GNS: variants seen among roughly 807,000 people sequenced by gnomAD.
GNS encodes the protein N-acetylglucosamine-6-sulfatase.
A neutral mutation model predicts 69.7 loss-of-function variants in GNS; 40 were observed. The ratio of observed to expected loss-of-function variants is 0.57; its 90% CI spans 0.45 to 0.75. The LOEUF (loss-of-function observed/expected upper bound fraction) is 0.75. GNS is among the 30% of genes least tolerant of loss of function. The pLI is 0.00. For missense variants in GNS, 565 were observed against 685.5 expected, an observed-to-expected ratio of 0.82 and a Z score of 1.96; for synonymous variants, 243 against 251.6, an observed-to-expected ratio of 0.97 and a Z score of 0.32.
chr12:64,730,333 C>T (rs1869343875), intron 9 of GNS, among the ~76,000 whole-genome samples: 1 of 146,316 alleles, frequency 6.8e-6, no homozygotes, highest in Non-Finnish European at 1.5e-5. Flanking sequence ...ACATTTAGAT[C>T]ATCTTAGGAG....
At chr12:64,735,487 C>T (rs555057455) in intron 9 of GNS, among the ~76,000 whole-genome samples, 1 of 152,326 alleles carries the variant, frequency 6.6e-6, no homozygotes, top group South Asian at 2.1e-4. Flanking sequence ...AATGGCTTCT[C>T]AGGAACCAGA....
At position 64,721,255 on chromosome 12, in the gene GNS, C is replaced by T. The variant is rs573371020; in HGVS notation, c.1419+340G>A. 7.9e-5 allele frequency among the ~76,000 whole-genome samples: 12 copies of T among 152,292 alleles called. No individual in the cohort carries two copies. In the South Asian group the frequency reaches 8.3e-4, roughly 11 times the overall value. Reference sequence around the variant, plus strand: ...ATGCTGTGGTGGGAACAGGAGTTTCCGAATACACCAGGTGCTGGTAAGCTT... The same window carrying T: ...ATGCTGTGGTGGGAACAGGAGTTTCTGAATACACCAGGTGCTGGTAAGCTT... On this transcript the variant is annotated intron_variant, in intron 12 of 13. Transcript: ENST00000258145.
At chr12:64,722,901 G>A (rs937899068) in intron 11 of GNS, 105 bp downstream of exon 11, 1 of 766,602 alleles carries the variant, frequency 1.3e-6, no homozygotes, top group South Asian at 1.4e-5. Context: ...AGTGACAAAG[G>A]AACAGGACTC....
intron 9 of GNS, among the ~76,000 whole-genome samples, chr12:64,731,502 G>C (rs1376683354): frequency 2.6e-5 from 4 of 152,162 alleles, no homozygotes; most frequent in African/African-American, 9.7e-5. Context: ...CTTCTCCCTA[G>C]AAATCTATAA....
Position 64,713,721 on chromosome 12 carries a change from AG to A in GNS, c.*3019del, listed in dbSNP as rs1316657336. ...TCCTGGGACAACTTTCCTTTAAAAA[AG>A]CACTAAACCTTAGTTTAGACACTTA... On this transcript the variant is annotated 3_prime_UTR_variant, in exon 14 of 14. Transcript: ENST00000258145. 5 of 152,302 alleles carry A rather than the reference AG, an allele frequency of 3.3e-5. No individual in the cohort carries two copies. Among genetic ancestry groups the A allele is most frequent in the African/African-American group, 1.2e-4 (5 of 41,470 alleles). 9.4% of individuals were successfully genotyped at this position (152,302 alleles called of 1,614,324 possible).
chr12:64,741,645 T>C (rs1436964218), intron 6 of GNS, among the ~76,000 whole-genome samples: 2 of 152,022 alleles, frequency 1.3e-5, no homozygotes, highest in African/African-American at 2.4e-5. Context: ...TAAGGAAAAA[T>C]CTTATTACAG....
At chr12:64,727,592 G>A (rs1483747803) in intron 10 of GNS, among the ~76,000 whole-genome samples, 1 of 152,164 alleles carries the variant, frequency 6.6e-6, no homozygotes, top group African/African-American at 2.4e-5. Context: ...ACGTTACAAT[G>A]ATATGATCCT....
chr12:64,744,680 T>A, intron 5 of GNS, 129 bp downstream of exon 5: 1 of 696,748 alleles, frequency 1.4e-6, no homozygotes. Flanking sequence ...CTTGGGCAGT[T>A]AGACCAAGTT....
intron 7 of GNS, among the ~76,000 whole-genome samples, chr12:64,739,919 A>G (rs1869679085): frequency 6.6e-6 from 1 of 152,266 alleles, no homozygotes; most frequent in South Asian, 2.1e-4. Flanking sequence ...GCTACAAAAA[A>G]GCTTAAGATG....
intron 1 of GNS, chr12:64,756,659 C>T (rs763928475): frequency 6.2e-5 from 58 of 941,414 alleles, no homozygotes; most frequent in Non-Finnish European, 7.9e-5. Context: ...GTATAAAAAT[C>T]CTCATACTCT....
Position 64,716,705 on chromosome 12 carries a change from G to A in GNS, c.*36C>T, listed in dbSNP as rs745869300. 1.7e-5 allele frequency: 22 copies of A among 1,264,014 alleles called. No individual in the cohort carries two copies. Among genetic ancestry groups the A allele is most frequent in the Admixed American group, 1.5e-4 (9 of 59,426 alleles). The allele number at this position is 1,264,014 out of a possible 1,614,324, so 78.3% of individuals were successfully genotyped here. ...TACAATCACTTCATCAGAAAGAGGC[G>A]TGCAGGGATCCATCTGCAGAGGCTG... On this transcript the variant is annotated 3_prime_UTR_variant, in exon 14 of 14. Coordinates refer to ENST00000258145, the MANE Select transcript of GNS (RefSeq NM_002076.4).
chr12:64,752,381 T>C (rs773892572), intron 2 of GNS, among the ~76,000 whole-genome samples: 19 of 152,196 alleles, frequency 1.2e-4, no homozygotes, highest in Non-Finnish European at 2.4e-4. Flanking sequence ...TTAGGGTTAA[T>C]TGGGTTTTTA....
At chr12:64,756,802 G>C in intron 1 of GNS, 5 of 1,084,916 alleles carry the variant, frequency 4.6e-6, no homozygotes, top group Non-Finnish European at 6.8e-6. Flanking sequence ...GGAACATTAA[G>C]TTTGACTTAT....
intron 1 of GNS, among the ~76,000 whole-genome samples, chr12:64,754,327 T>G (rs1297477932): frequency 1.3e-5 from 2 of 152,152 alleles, no homozygotes; most frequent in East Asian, 1.9e-4. Flanking sequence ...GGGGAACTAC[T>G]TTAGATGGGT....
chr12:64,758,784 T>G (rs563761943), intron 1 of GNS, among the ~76,000 whole-genome samples: 1 of 152,276 alleles, frequency 6.6e-6, no homozygotes, highest in African/African-American at 2.4e-5. Context: ...CTGATCCTCA[T>G]TGGTTCAACC....
At chr12:64,757,676 AAGAG>A (rs1176471375) in intron 1 of GNS, among the ~76,000 whole-genome samples, 1 of 152,236 alleles carries the variant, frequency 6.6e-6, no homozygotes, top group Non-Finnish European at 1.5e-5. Flanking sequence ...CTCGGGAAGA[AAGAG>A]AGATAGATAA....
intron 10 of GNS, among the ~76,000 whole-genome samples, chr12:64,724,513 C>A (rs559507434): frequency 6.6e-6 from 1 of 152,140 alleles, no homozygotes; most frequent in Non-Finnish European, 1.5e-5. Context: ...GAAACTTGAA[C>A]AATCCTGTGC....
rs768197243 is a variant in GNS, at chr12:64,729,029, G to A, written c.1127C>T (p.Pro376Leu). The A allele has an allele frequency of 6.3e-7, 1 of 1,593,402 alleles. No individual in the cohort carries two copies. Among genetic ancestry groups the A allele is most frequent in the Non-Finnish European group, 8.6e-7 (1 of 1,161,208 alleles). ...KMLVANIDLG[P>L]TILDIAGYDL... Reference sequence around the variant, plus strand: ...GTAGCCAGCAATGTCCAAAATAGTAGGACCCAAGTCAATGTTGGCAACCAG... The same window carrying A: ...GTAGCCAGCAATGTCCAAAATAGTAAGACCCAAGTCAATGTTGGCAACCAG... The change falls in exon 10 of 14, where the codon CCT becomes CTT. Residue 376 changes from proline (P) to leucine (L), a missense_variant. This residue lies in a region of GNS where 384 missense variants were observed against 511.0 expected (regional missense o/e 0.75). Coordinates refer to ENST00000258145, the MANE Select transcript of GNS (RefSeq NM_002076.4).
intron 1 of GNS, among the ~76,000 whole-genome samples, chr12:64,754,934 T>A (rs1706730148): frequency 1.3e-5 from 2 of 151,692 alleles, no homozygotes. Context: ...ATCTTTATAC[T>A]GCTAACTATA....
Sources: allele counts gnomAD v4.1 joint callset (sites outside exome capture counted in the v4.1 genomes callset), GRCh38; gene constraint gnomAD v4.1.1; regional missense constraint gnomAD v4.1.1; transcripts MANE v1.5; gene names NCBI Gene and HGNC (gene_info 2026-07-23, HGNC 2026-07-21).